The following PARM1 variants were observed in gnomAD, a reference collection of about 807,000 sequenced individuals.
PARM1 encodes prostate androgen-regulated mucin-like protein 1.
A neutral mutation model predicts 24.6 loss-of-function variants in PARM1; 14 were observed. The ratio of observed to expected loss-of-function variants is 0.57; its 90% CI spans 0.38 to 0.89. The LOEUF is 0.89. PARM1 is among the 40% of genes least tolerant of loss of function. PARM1 has a pLI of 0.00. For synonymous variants in PARM1, 179 were observed against 156.6 expected (o/e 1.14, Z -1.07); for missense variants, 362 against 380.4 (o/e 0.95, Z 0.40).
chr4:74,957,666 TTTC>T (rs1721665928), intron 1 of PARM1, among the ~76,000 whole-genome samples: 1 of 152,158 alleles, frequency 6.6e-6, no homozygotes, highest in East Asian at 1.9e-4. Flanking sequence ...AGAATAACAT[TTTC>T]TTCTTCTGTC....
At chr4:75,025,954 T>A (rs1044544536) in intron 2 of PARM1, among the ~76,000 whole-genome samples, 4 of 152,226 alleles carry the variant, frequency 2.6e-5, no homozygotes, top group African/African-American at 9.6e-5. Context: ...GTGATAATAC[T>A]TGGCTAATTT....
chr4:74,958,286 A>G (rs1322110264), intron 1 of PARM1, among the ~76,000 whole-genome samples: 1 of 152,188 alleles, frequency 6.6e-6, no homozygotes, highest in Non-Finnish European at 1.5e-5. Flanking sequence ...ATATACAAAA[A>G]TAATTAAGGC....
At chr4:74,961,184 A>G (rs1428095991) in intron 1 of PARM1, among the ~76,000 whole-genome samples, 1 of 152,192 alleles carries the variant, frequency 6.6e-6, no homozygotes, top group Non-Finnish European at 1.5e-5. Flanking sequence ...TAAGATTCAA[A>G]GACAGCTTTG....
intron 1 of PARM1, among the ~76,000 whole-genome samples, chr4:75,006,108 G>A (rs1722763306): frequency 6.6e-6 from 1 of 152,174 alleles, no homozygotes; most frequent in African/African-American, 2.4e-5. Context: ...AAGTGGCTGT[G>A]TTTTGGGTGG....
At chr4:74,933,684 T>C (rs1344098542) in intron 1 of PARM1, among the ~76,000 whole-genome samples, 1 of 152,216 alleles carries the variant, frequency 6.6e-6, no homozygotes, top group African/African-American at 2.4e-5. Context: ...TCAAGGCTTC[T>C]CTTTCTTCAC....
At chr4:74,993,197 T>C (rs1722512455) in intron 1 of PARM1, among the ~76,000 whole-genome samples, 1 of 152,170 alleles carries the variant, frequency 6.6e-6, no homozygotes, top group Admixed American at 6.5e-5. Context: ...GATGAAGCAA[T>C]CTACCATTTT....
Position 75,033,981 on chromosome 4 carries a change from TAAAAA to T in PARM1, c.848+24_848+28del, listed in dbSNP as rs752040682. ...AATCAGGTGAGACGCAGCTTACTCT[TAAAAA>T]AAAGGGATTCTGTTTTGTTGGGCTC... On this transcript the variant is annotated intron_variant, in intron 3 of 3. Coordinates refer to ENST00000307428, the MANE Select transcript of PARM1 (RefSeq NM_015393.4). The T allele has an allele frequency of 1.9e-6, 3 of 1,566,098 alleles. No individual in the cohort carries two copies. Among genetic ancestry groups the T allele is most frequent in the Middle Eastern group, 1.7e-4 (1 of 5,984 alleles).
chr4:74,984,720 A>G (rs978996796), intron 1 of PARM1, among the ~76,000 whole-genome samples: 2 of 152,232 alleles, frequency 1.3e-5, no homozygotes, highest in South Asian at 2.1e-4. Flanking sequence ...AGTGTTTTAC[A>G]TGGATATCAG....
At chr4:74,966,285 G>A (rs1005614113) in intron 1 of PARM1, among the ~76,000 whole-genome samples, 8 of 152,116 alleles carry the variant, frequency 5.3e-5, no homozygotes, top group Non-Finnish European at 1.0e-4. Context: ...CAGGACTATT[G>A]CAATATGTGT....
chr4:75,009,544 A>G (rs1268987929), intron 1 of PARM1, among the ~76,000 whole-genome samples: 1 of 152,208 alleles, frequency 6.6e-6, no homozygotes, highest in East Asian at 1.9e-4. Context: ...GGCATATGTT[A>G]TGTTGGAATT....
At chr4:74,950,801 T>A (rs2109984559) in intron 1 of PARM1, among the ~76,000 whole-genome samples, 1 of 152,220 alleles carries the variant, frequency 6.6e-6, no homozygotes, top group South Asian at 2.1e-4. Context: ...ACTGTTTAAA[T>A]CAGGTGTTTC....
intron 3 of PARM1, among the ~76,000 whole-genome samples, chr4:75,043,281 C>T (rs1021619789): frequency 2.0e-5 from 3 of 152,118 alleles, no homozygotes; most frequent in Admixed American, 6.6e-5. Context: ...GCAGATTCAC[C>T]ATGTGCTTGT....
At chr4:74,993,671 G>A (rs1031593197) in intron 1 of PARM1, among the ~76,000 whole-genome samples, 1 of 152,136 alleles carries the variant, frequency 6.6e-6, no homozygotes, top group African/African-American at 2.4e-5. Context: ...AATGGATTAT[G>A]ATTTTATAAC....
chr4:74,992,856 A>G (rs1316927267), intron 1 of PARM1, among the ~76,000 whole-genome samples: 1 of 152,232 alleles, frequency 6.6e-6, no homozygotes, highest in African/African-American at 2.4e-5. Flanking sequence ...GTAGAAGGAA[A>G]GTGACGCCAG....
At chr4:74,996,821 C>CA (rs1722583101) in intron 1 of PARM1, among the ~76,000 whole-genome samples, 1 of 152,148 alleles carries the variant, frequency 6.6e-6, no homozygotes, top group African/African-American at 2.4e-5. Context: ...ATTTTCTCTA[C>CA]ATTTTTCAGA....
intron 1 of PARM1, among the ~76,000 whole-genome samples, chr4:74,953,657 A>G (rs930144165): frequency 1.3e-5 from 2 of 152,248 alleles, no homozygotes; most frequent in African/African-American, 4.8e-5. Flanking sequence ...ACCAGCTCAT[A>G]TATCTGGTTT....
intron 3 of PARM1, among the ~76,000 whole-genome samples, chr4:75,034,331 G>A (rs2109809648): frequency 6.6e-6 from 1 of 152,218 alleles, no homozygotes; most frequent in South Asian, 2.1e-4. Context: ...TAGAAGGGTG[G>A]GATCGATGGT....
At chr4:74,961,875 TA>T (rs1721782752) in intron 1 of PARM1, among the ~76,000 whole-genome samples, 1 of 152,170 alleles carries the variant, frequency 6.6e-6, no homozygotes, top group Non-Finnish European at 1.5e-5. Context: ...GACATATGAA[TA>T]AATAATAAAG....
intron 2 of PARM1, among the ~76,000 whole-genome samples, chr4:75,021,886 T>C (rs142762052): frequency 7.2e-5 from 11 of 152,350 alleles, no homozygotes; most frequent in African/African-American, 2.6e-4. Flanking sequence ...AGATTCTATG[T>C]CTTTGCTATT....
Sources: allele counts gnomAD v4.1 joint callset (sites outside exome capture counted in the v4.1 genomes callset), GRCh38; gene constraint gnomAD v4.1.1; transcripts MANE v1.5; gene names NCBI Gene and HGNC (gene_info 2026-07-23, HGNC 2026-07-21).